PDZRN4: variants seen among roughly 807,000 people sequenced by gnomAD.
The protein encoded by PDZRN4 is PDZ domain-containing RING finger protein 4.
PDZRN4 carries 70 observed loss-of-function variants against 99.0 expected under a neutral mutation model. The observed-to-expected ratio is 0.71, with a 90% confidence interval of 0.58 to 0.86. PDZRN4 has a LOEUF of 0.86. Ranked by LOEUF, PDZRN4 falls within the 40% of genes least tolerant of loss-of-function variation. The pLI is 0.00. For missense variants in PDZRN4, 1,474 were observed against 1,331.2 expected, an observed-to-expected ratio of 1.11 and a Z score of -1.67; for synonymous variants, 551 against 501.6, an observed-to-expected ratio of 1.10 and a Z score of -1.32.
chr12:41,543,522 G>T (rs1197036503), intron 5 of PDZRN4, among the ~76,000 whole-genome samples: 1 of 152,234 alleles, frequency 6.6e-6, no homozygotes, highest in Non-Finnish European at 1.5e-5. Flanking sequence ...CAAAACAAAT[G>T]CTTAAGGGAA....
chr12:41,418,593 T>C (rs1386969975), intron 3 of PDZRN4, among the ~76,000 whole-genome samples: 1 of 152,220 alleles, frequency 6.6e-6, no homozygotes, highest in East Asian at 1.9e-4. Context: ...TGTCCTATTT[T>C]AAATGGTTAA....
rs775617497 is a variant in PDZRN4, at chr12:41,506,614, T to A, written c.1002T>A (p.Thr334=). ...AAGTGCAGCTTATGAATGCCAGCAC[T>A]CAGACGGACATCACCTTCGAACACA... ...ASEVQLMNAS[T]QTDITFEHIM... The change falls in exon 4 of 10, where the codon ACT becomes ACA. Residue 334 remains threonine (T), a synonymous_variant. Coordinates refer to ENST00000402685, the MANE Select transcript of PDZRN4 (RefSeq NM_001164595.2). The A allele has an allele frequency of 6.2e-7, 1 of 1,613,938 alleles. No individual in the cohort carries two copies. The highest frequency in any genetic ancestry group is 8.5e-7 in the Non-Finnish European group (1 of 1,179,892).
chr12:41,352,564 A>T (rs1197616153), intron 3 of PDZRN4, among the ~76,000 whole-genome samples: 2 of 152,186 alleles, frequency 1.3e-5, no homozygotes, highest in Admixed American at 1.3e-4. Flanking sequence ...CAAAAAAATT[A>T]TATGAGAGTT....
chr12:41,440,649 G>A (rs1403300143), intron 3 of PDZRN4, among the ~76,000 whole-genome samples: 1 of 152,108 alleles, frequency 6.6e-6, no homozygotes. Flanking sequence ...ATTTTCAACT[G>A]GAGTTGGGCC....
intron 3 of PDZRN4, among the ~76,000 whole-genome samples, chr12:41,297,035 A>G (rs1352960398): frequency 6.6e-6 from 1 of 152,130 alleles, no homozygotes; most frequent in Non-Finnish European, 1.5e-5. Flanking sequence ...GACTACACTG[A>G]TGTGGTTGAA....
intron 3 of PDZRN4, among the ~76,000 whole-genome samples, chr12:41,303,049 T>A (rs978600490): frequency 5.3e-5 from 8 of 152,076 alleles, no homozygotes; most frequent in Middle Eastern, 3.4e-3. Flanking sequence ...ATACTGGCCC[T>A]AGTACTGATA....
intron 3 of PDZRN4, among the ~76,000 whole-genome samples, chr12:41,212,855 T>TTAAAGAGACAGATGAG (rs1399381171): frequency 6.6e-6 from 1 of 151,990 alleles, no homozygotes; most frequent in Non-Finnish European, 1.5e-5. Context: ...ACAAAGCTTT[T>TTAAAGAGACAGATGAG]TAAAGAGACA....
intron 3 of PDZRN4, among the ~76,000 whole-genome samples, chr12:41,484,909 G>A (rs1319299983): frequency 2.0e-5 from 3 of 152,170 alleles, no homozygotes; most frequent in East Asian, 1.9e-4. Flanking sequence ...AGTGACTTGC[G>A]TCTTTTAGAT....
chr12:41,517,208 C>T (rs547775670), intron 5 of PDZRN4, among the ~76,000 whole-genome samples: 1 of 152,144 alleles, frequency 6.6e-6, no homozygotes, highest in African/African-American at 2.4e-5. Context: ...ATTGAACCTT[C>T]CAAGTTGGTT....
chr12:41,263,116 A>ATG (rs960546523), intron 3 of PDZRN4, among the ~76,000 whole-genome samples: 53 of 151,598 alleles, frequency 3.5e-4, no homozygotes, highest in African/African-American at 9.9e-4. Flanking sequence ...AGCAAAAATA[A>ATG]TGTGTGTGTG....
intron 3 of PDZRN4, among the ~76,000 whole-genome samples, chr12:41,236,153 C>T (rs1022150845): frequency 5.9e-5 from 9 of 152,034 alleles, no homozygotes; most frequent in Admixed American, 1.3e-4. Context: ...GAAAGACTAC[C>T]TTTAATATAA....
chr12:41,481,622 C>T (rs1343082642), intron 3 of PDZRN4, among the ~76,000 whole-genome samples: 1 of 152,124 alleles, frequency 6.6e-6, no homozygotes, highest in Non-Finnish European at 1.5e-5. Flanking sequence ...AACTTCCCTT[C>T]AAAACAAGCT....
At chr12:41,321,809 C>T (rs1165531441) in intron 3 of PDZRN4, among the ~76,000 whole-genome samples, 1 of 152,024 alleles carries the variant, frequency 6.6e-6, no homozygotes, top group East Asian at 1.9e-4. Flanking sequence ...AACAGAGATG[C>T]TATCATCGAG....
At chr12:41,227,203 T>G (rs1264760021) in intron 3 of PDZRN4, among the ~76,000 whole-genome samples, 1 of 152,174 alleles carries the variant, frequency 6.6e-6, no homozygotes, top group Non-Finnish European at 1.5e-5. Flanking sequence ...GAATGAGAAC[T>G]TTGTTCAGTC....
chr12:41,317,564 G>C (rs552144949), intron 3 of PDZRN4, among the ~76,000 whole-genome samples: 2 of 152,216 alleles, frequency 1.3e-5, no homozygotes, highest in East Asian at 1.9e-4. Flanking sequence ...TAACCATCGT[G>C]AGATTGTTTT....
chr12:41,570,967 C>G (rs1172173552), intron 9 of PDZRN4, among the ~76,000 whole-genome samples: 2 of 152,008 alleles, frequency 1.3e-5, no homozygotes, highest in South Asian at 2.1e-4. Flanking sequence ...TTTTATCCTG[C>G]CACTACTTTT....
intron 6 of PDZRN4, among the ~76,000 whole-genome samples, chr12:41,553,113 A>C (rs191898642): frequency 6.6e-6 from 1 of 152,338 alleles, no homozygotes; most frequent in East Asian, 1.9e-4. Flanking sequence ...GAGTTCTATT[A>C]ACAGTAGCAC....
chr12:41,483,093 A>T (rs1368892169), intron 3 of PDZRN4, among the ~76,000 whole-genome samples: 1 of 152,072 alleles, frequency 6.6e-6, no homozygotes, highest in Non-Finnish European at 1.5e-5. Flanking sequence ...CATAATTTAC[A>T]TGAGATCTAA....
chr12:41,252,740 A>G (rs767769892), intron 3 of PDZRN4, among the ~76,000 whole-genome samples: 2 of 152,156 alleles, frequency 1.3e-5, no homozygotes, highest in African/African-American at 2.4e-5. Flanking sequence ...ACTCTGAATA[A>G]AAAGAAAAAA....
Sources: gnomAD v4.1 joint callset for allele counts (sites outside exome capture counted in the v4.1 genomes callset) on GRCh38, gnomAD v4.1.1 for gene constraint, MANE v1.5 for transcripts, NCBI Gene and HGNC (gene_info 2026-07-23, HGNC 2026-07-21) for gene names.